Variants in CNTNAP2 observed in about 807,000 individuals in gnomAD.
The protein encoded by CNTNAP2 is contactin-associated protein-like 2.
CNTNAP2 carries 98 observed loss-of-function variants against 155.2 expected under a neutral mutation model. The ratio of observed to expected loss-of-function variants is 0.63; its 90% CI spans 0.54 to 0.75. The LOEUF (loss-of-function observed/expected upper bound fraction) is 0.75, where lower values mean the gene tolerates loss of function less well. Among genes scored for constraint, CNTNAP2 ranks in the 30% least tolerant of loss-of-function variants. The pLI, the probability that CNTNAP2 is intolerant of heterozygous loss-of-function variation, is 0.00. For missense variants in CNTNAP2, 1,727 were observed against 1,688.1 expected, an observed-to-expected ratio of 1.02 and a Z score of -0.40; for synonymous variants, 651 against 631.2, an observed-to-expected ratio of 1.03 and a Z score of -0.47.
At chr7:148,233,408 A>G (rs184224444) in intron 20 of CNTNAP2, among the ~76,000 whole-genome samples, 61 of 152,332 alleles carry the variant, frequency 4.0e-4, no homozygotes, top group Non-Finnish European at 6.2e-4. Flanking sequence ...TCGAGAAAAT[A>G]GAACATGATT....
At chr7:146,511,902 C>T (rs1048989162) in intron 1 of CNTNAP2, among the ~76,000 whole-genome samples, 1 of 151,982 alleles carries the variant, frequency 6.6e-6, no homozygotes, top group African/African-American at 2.4e-5. Flanking sequence ...CTCATTAAGT[C>T]CTGGGTTTTT....
chr7:148,310,045 C>T (rs1489428446), intron 21 of CNTNAP2, among the ~76,000 whole-genome samples: 1 of 151,988 alleles, frequency 6.6e-6, no homozygotes, highest in African/African-American at 2.4e-5. Context: ...TTAGAAGAAA[C>T]ATTTGTAGTG....
chr7:147,773,439 C>A lies in CNTNAP2; in HGVS notation c.2099-130126C>A, dbSNP rs150703487. Among the ~76,000 whole-genome samples, 548 of 152,182 alleles carry A rather than the reference C, an allele frequency of 3.6e-3. 1 individual carries two copies. The highest frequency in any genetic ancestry group is 0.013 in the African/African-American group (531 of 41,516). ...TCACCTGAGGTCAGGAGTTTGAGAC[C>A]AGCCCAGCCAACATGGTGAAACCCT... On this transcript the variant is annotated intron_variant, in intron 13 of 23. Transcript: ENST00000361727.
intron 9 of CNTNAP2, among the ~76,000 whole-genome samples, chr7:147,355,369 A>G (rs1034220204): frequency 2.6e-5 from 4 of 152,112 alleles, no homozygotes; most frequent in Non-Finnish European, 5.9e-5. Context: ...TCCTAACGTT[A>G]CAATTTAAGG....
At chr7:148,317,368 T>C (rs950384243) in intron 21 of CNTNAP2, among the ~76,000 whole-genome samples, 1 of 147,604 alleles carries the variant, frequency 6.8e-6, no homozygotes, top group Non-Finnish European at 1.5e-5. Context: ...AAAAAAAAAA[T>C]TCATGGTATT....
intron 12 of CNTNAP2, among the ~76,000 whole-genome samples, chr7:147,564,511 G>A (rs1253384387): frequency 2.0e-5 from 3 of 152,054 alleles, no homozygotes; most frequent in Non-Finnish European, 4.4e-5. Context: ...TACAATTAAA[G>A]TCTATTCTTA....
chr7:147,696,275 T>C (rs1242724278), intron 13 of CNTNAP2, among the ~76,000 whole-genome samples: 1 of 152,178 alleles, frequency 6.6e-6, no homozygotes, highest in Non-Finnish European at 1.5e-5. Context: ...TTTCACACAT[T>C]TGCTGCTTTT....
At chr7:146,176,987 G>A (rs770681820) in intron 1 of CNTNAP2, among the ~76,000 whole-genome samples, 4 of 152,142 alleles carry the variant, frequency 2.6e-5, no homozygotes, top group African/African-American at 4.8e-5. Context: ...TTTGAATAGA[G>A]ACAGGTTTAG....
chr7:146,889,957 T>C (rs1373283782), intron 3 of CNTNAP2, among the ~76,000 whole-genome samples: 1 of 152,168 alleles, frequency 6.6e-6, no homozygotes, highest in East Asian at 1.9e-4. Flanking sequence ...TCGTCCTCAT[T>C]AGGAGCTCTC....
At chr7:147,188,613 G>A (rs1001603908) in intron 8 of CNTNAP2, among the ~76,000 whole-genome samples, 3 of 152,134 alleles carry the variant, frequency 2.0e-5, no homozygotes, top group Admixed American at 1.3e-4. Context: ...GTTTTCTTTG[G>A]TTGTCCCTCA....
intron 3 of CNTNAP2, among the ~76,000 whole-genome samples, chr7:146,920,672 T>A (rs1796481494): frequency 6.6e-6 from 1 of 152,116 alleles, no homozygotes; most frequent in Admixed American, 6.6e-5. Context: ...GTAATAAAAA[T>A]AAAAAGTATA....
intron 1 of CNTNAP2, among the ~76,000 whole-genome samples, chr7:146,721,920 G>T (rs1400770745): frequency 1.7e-4 from 19 of 113,436 alleles, no homozygotes; most frequent in African/African-American, 8.8e-4. Context: ...ATGGAACCTG[G>T]CTCTGTAGCC....
In CNTNAP2 at chr7:146,367,821, A is replaced by G. The variant is rs115815205; in HGVS notation, c.97+250848A>G. ...AATATGCATCTAGATGACTATTTCA[A>G]TATCAATATATGAGGAGATAAAATG... On this transcript the variant is annotated intron_variant, in intron 1 of 23. Transcript: ENST00000361727. Among the ~76,000 whole-genome samples, 402 of 152,218 alleles carry G rather than the reference A, an allele frequency of 2.6e-3. 1 individual carries two copies. Among genetic ancestry groups the G allele is most frequent in the African/African-American group, 8.5e-3 (354 of 41,562 alleles).
At chr7:146,517,200 A>G (rs919075735) in intron 1 of CNTNAP2, among the ~76,000 whole-genome samples, 6 of 151,998 alleles carry the variant, frequency 3.9e-5, no homozygotes, top group Admixed American at 2.6e-4. Context: ...CTTGGTTATC[A>G]GATCAAAGGA....
chr7:146,149,756 C>T (rs1356236953), intron 1 of CNTNAP2, among the ~76,000 whole-genome samples: 2 of 151,322 alleles, frequency 1.3e-5, no homozygotes, highest in Non-Finnish European at 2.9e-5. Context: ...TTATAGATGG[C>T]ACATAGACCT....
intron 13 of CNTNAP2, among the ~76,000 whole-genome samples, chr7:147,640,969 G>C (rs1795264834): frequency 6.6e-6 from 1 of 152,166 alleles, no homozygotes; most frequent in African/African-American, 2.4e-5. Context: ...TGCAAAGGCA[G>C]GGCGCCATGA....
chr7:146,482,278 A>G (rs1796972474), intron 1 of CNTNAP2, among the ~76,000 whole-genome samples: 1 of 150,856 alleles, frequency 6.6e-6, no homozygotes, highest in African/African-American at 2.4e-5. Flanking sequence ...AGTTTTCTGG[A>G]TAGTAAAGTG....
intron 1 of CNTNAP2, among the ~76,000 whole-genome samples, chr7:146,680,024 A>C (rs73739688): frequency 0.016 from 2,426 of 152,320 alleles, 67 homozygotes; most frequent in African/African-American, 0.056. Context: ...CATATGTAGA[A>C]CATGTTATGT....
At chr7:147,758,686 A>C (rs1417151916) in intron 13 of CNTNAP2, among the ~76,000 whole-genome samples, 1 of 152,100 alleles carries the variant, frequency 6.6e-6, no homozygotes, top group Non-Finnish European at 1.5e-5. Flanking sequence ...TCTACAAAAA[A>C]ATACAAAAAT....
Sources: allele counts gnomAD v4.1 joint callset (sites outside exome capture counted in the v4.1 genomes callset), GRCh38; gene constraint gnomAD v4.1.1; transcripts MANE v1.5; gene names NCBI Gene and HGNC (gene_info 2026-07-23, HGNC 2026-07-21).